BOP1: variants seen among roughly 807,000 people sequenced by gnomAD.
BOP1 encodes the protein BOP1 ribosomal biogenesis factor.
Under a neutral mutation model 82.9 loss-of-function variants are expected in BOP1, and 54 were observed. The observed-to-expected ratio is 0.65, with a 90% confidence interval of 0.52 to 0.82. The LOEUF (loss-of-function observed/expected upper bound fraction) is 0.82. Ranked by LOEUF, BOP1 falls within the 40% of genes least tolerant of loss-of-function variation. The probability of loss-of-function intolerance (pLI) is 0.00; values close to 1 mark genes in which losing one functional copy is unlikely to be tolerated. For synonymous variants in BOP1, 566 were observed against 451.1 expected (o/e 1.25, Z -3.23); for missense variants, 1,170 against 1,072.0 (o/e 1.09, Z -1.28).
chr8:144,267,961 A>G (rs1051302875), intron 3 of BOP1: 6 of 1,316,878 alleles, frequency 4.6e-6, no homozygotes, highest in Non-Finnish European at 6.4e-6. Flanking sequence ...CCCTCCCCAA[A>G]ACGCTTGAGG....
In BOP1 at chr8:144,264,330, G is replaced by A. The variant is rs993210912; in HGVS notation, c.873C>T (p.Ala291=). 3.7e-5 allele frequency: 59 copies of A among 1,609,414 alleles called. No homozygotes were observed. The highest frequency in any genetic ancestry group is 1.6e-4 in the African/African-American group (12 of 74,900). ...CGTGCATCTTGTGGCGCCCGAGCAC[G>A]GCGTTGGGGTCCTCCTGGGCCCACA... ...YDLWAQEDPN[A]VLGRHKMHVP... Residue 291 remains alanine (A), a synonymous_variant, in exon 7 of 16, where the codon GCC becomes GCT. Transcript: ENST00000569669.
intron 2 of BOP1, among the ~76,000 whole-genome samples, chr8:144,278,792 A>T (rs1396218782): frequency 1.3e-5 from 2 of 152,186 alleles, no homozygotes; most frequent in African/African-American, 4.8e-5. Context: ...CAGCACAGAG[A>T]CAGGCTGCTA....
At position 144,262,819 on chromosome 8, in the gene BOP1, C is replaced by G. The variant is rs1236467711; in HGVS notation, c.1894+34G>C. ...GGGTACACCGCCCCCCCCCCCACCCCTCACCTGCAGGGTGCACCGCCCCCA... is the reference window on the plus strand; with the variant it reads ...GGGTACACCGCCCCCCCCCCCACCCGTCACCTGCAGGGTGCACCGCCCCCA... On this transcript the variant is annotated intron_variant, in intron 13 of 15. Coordinates refer to ENST00000569669, the MANE Select transcript of BOP1 (RefSeq NM_015201.5). The G allele has an allele frequency of 9.7e-6, 10 of 1,026,362 alleles. No homozygotes were observed. In the Admixed American group the frequency reaches 1.7e-4, roughly 18 times the overall value. The allele number at this position is 1,026,362 out of a possible 1,614,324, so 63.6% of individuals were successfully genotyped here. A position where few individuals can be genotyped will look rare whatever the true frequency, so the allele number is the denominator to read the frequency against.
At chr8:144,269,407 G>A (rs940468006) in intron 3 of BOP1, among the ~76,000 whole-genome samples, 1 of 152,240 alleles carries the variant, frequency 6.6e-6, no homozygotes, top group Non-Finnish European at 1.5e-5. Context: ...CCCTCGGGGG[G>A]AGACCAGGTG....
Position 144,264,224 on chromosome 8 carries a change from C to A in BOP1, c.978+1G>T, listed in dbSNP as rs1470442044. On this transcript the variant is annotated splice_donor_variant, in intron 7 of 15. Transcript: ENST00000569669. LOFTEE classifies it high-confidence loss of function. Reference sequence around the variant, plus strand: ...TCCCGGCCCCCAGGATGCAGGCCCACCTCCTCCTCGCTGAGCAGGTATTCA... The same window carrying A: ...TCCCGGCCCCCAGGATGCAGGCCCAACTCCTCCTCGCTGAGCAGGTATTCA... 6.2e-7 allele frequency: 1 copy of A among 1,607,458 alleles called. No homozygotes were observed. Among genetic ancestry groups the A allele is most frequent in the Non-Finnish European group, 8.5e-7 (1 of 1,178,010 alleles).
intron 3 of BOP1, among the ~76,000 whole-genome samples, chr8:144,273,312 C>T (rs1554838012): frequency 3.2e-3 from 481 of 152,328 alleles, no homozygotes; most frequent in African/African-American, 0.011. Context: ...TGCATCCCTG[C>T]GGGAACCTGA....
chr8:144,266,633 G>C, intron 3 of BOP1: 1 of 1,230,002 alleles, frequency 8.1e-7, no homozygotes, highest in Non-Finnish European at 1.0e-6. Context: ...GCCACGCTGC[G>C]CCCGGCGCCG....
Position 144,263,406 on chromosome 8 carries a change from G to C in BOP1, c.1425-5C>G. 1.3e-6 allele frequency: 2 copies of C among 1,597,836 alleles called. No homozygotes were observed. Among genetic ancestry groups the C allele is most frequent in the Non-Finnish European group, 1.7e-6 (2 of 1,179,646 alleles). ...AGCAGCAGCACCGAGTCCTCCCTGTGAGCCAGGCCCAGACACGGCCCCTAA... is the reference window on the plus strand; with the variant it reads ...AGCAGCAGCACCGAGTCCTCCCTGTCAGCCAGGCCCAGACACGGCCCCTAA... On this transcript the variant is annotated splice_polypyrimidine_tract_variant and splice_region_variant and intron_variant, in intron 11 of 15. Coordinates refer to ENST00000569669, the MANE Select transcript of BOP1 (RefSeq NM_015201.5).
chr8:144,281,032 T>TC (rs1845664787), intron 2 of BOP1, among the ~76,000 whole-genome samples: 4,586 of 142,436 alleles, frequency 0.032, 281 homozygotes, highest in Non-Finnish European at 0.039. Context: ...TCTCTCACTT[T>TC]AATACCAGGT....
chr8:144,279,116 C>T (rs587698999), intron 2 of BOP1, among the ~76,000 whole-genome samples: 1 of 42,218 alleles, frequency 2.4e-5, no homozygotes, highest in East Asian at 3.9e-4. Context: ...GGGCCACGAC[C>T]GCCATGGGCC....
Position 144,262,239 on chromosome 8 carries a change from C to T in BOP1, c.2166G>A (p.Leu722=), listed in dbSNP as rs1845207090. The change falls in exon 16 of 16, where the codon CTG becomes CTA. Residue 722 remains leucine (L), a synonymous_variant. Coordinates refer to ENST00000569669, the MANE Select transcript of BOP1 (RefSeq NM_015201.5). ...GCTGGGTGGGGTGGAAGATGACGTC[C>T]AGCACTCCCAGATCTCGGGTCAGCA... ...GHVLTRDLGV[L]DVIFHPTQPW... 3 of 1,612,560 alleles carry T rather than the reference C, an allele frequency of 1.9e-6. No individual in the cohort carries two copies. Among genetic ancestry groups the T allele is most frequent in the East Asian group, 2.2e-5 (1 of 44,888 alleles).
intron 2 of BOP1, among the ~76,000 whole-genome samples, chr8:144,277,438 G>A (rs111833788): frequency 3.5e-4 from 53 of 152,338 alleles, no homozygotes; most frequent in Non-Finnish European, 6.5e-4. Flanking sequence ...TTCCACACCC[G>A]GCTGCGGTCG....
At chr8:144,272,795 C>G (rs1178585475) in intron 3 of BOP1, among the ~76,000 whole-genome samples, 2 of 152,170 alleles carry the variant, frequency 1.3e-5, no homozygotes, top group African/African-American at 4.8e-5. Context: ...CCCAGGGTCT[C>G]TCCTCTCCCA....
At chr8:144,266,628 G>C in intron 3 of BOP1, 5 of 1,224,068 alleles carry the variant, frequency 4.1e-6, no homozygotes, top group Non-Finnish European at 5.2e-6. Flanking sequence ...CCTTCGCCAC[G>C]CTGCGCCCGG....
Position 144,288,979 on chromosome 8 carries a change from C to A in BOP1, c.309+116G>T, listed in dbSNP as rs534874619. ...TGCCCCAGGTGCAGTGAAGGAGGGA[C>A]GCCGGCCTTGGGGTTCTGAGGGACG... is the stretch of plus-strand genomic sequence containing the variant. On this transcript the variant is annotated intron_variant, in intron 2 of 15. Transcript: ENST00000569669. 23 of 1,147,202 alleles carry A rather than the reference C, an allele frequency of 2.0e-5. No individual in the cohort carries two copies. In the African/African-American group the frequency reaches 3.0e-4, roughly 15 times the overall value. 71.1% of individuals were successfully genotyped at this position (1,147,202 alleles called of 1,614,324 possible).
chr8:144,266,679 G>A, intron 3 of BOP1: 1 of 1,256,728 alleles, frequency 8.0e-7, no homozygotes, highest in Non-Finnish European at 1.0e-6. Context: ...TGAGCCCGCT[G>A]TCGGAGGACG....
intron 3 of BOP1, among the ~76,000 whole-genome samples, chr8:144,273,959 C>A (rs2130234030): frequency 6.6e-6 from 1 of 152,178 alleles, no homozygotes; most frequent in Non-Finnish European, 1.5e-5. Flanking sequence ...CTCAGGTCTT[C>A]AAAAGTCAGC....
intron 3 of BOP1, among the ~76,000 whole-genome samples, chr8:144,270,087 G>A (rs1051056777): frequency 2.6e-5 from 4 of 152,200 alleles, no homozygotes; most frequent in East Asian, 3.8e-4. Flanking sequence ...GCCGGTCAAC[G>A]TTGGGGACAA....
chr8:144,285,753 G>A (rs1028466084), intron 2 of BOP1, among the ~76,000 whole-genome samples: 4 of 152,240 alleles, frequency 2.6e-5, no homozygotes, highest in South Asian at 2.1e-4. Context: ...CAGGGGCATC[G>A]GGGGCAGAAT....
Sources: allele counts gnomAD v4.1 joint callset (sites outside exome capture counted in the v4.1 genomes callset), GRCh38; gene constraint gnomAD v4.1.1; transcripts MANE v1.5; gene names NCBI Gene and HGNC (gene_info 2026-07-23, HGNC 2026-07-21).